CSMD2: variants seen among roughly 807,000 people sequenced by gnomAD.
CSMD2 encodes CUB and sushi domain-containing protein 2.
A neutral mutation model predicts 398.5 loss-of-function variants in CSMD2; 130 were observed. That is an observed-to-expected ratio of 0.33 (90% confidence interval 0.28 to 0.38). CSMD2 has a LOEUF of 0.38. Among genes scored for constraint, CSMD2 ranks in the 10% least tolerant of loss-of-function variants. The pLI is 1.00. For synonymous variants in CSMD2, 1,828 were observed against 1,908.5 expected (o/e 0.96, Z 1.10); for missense variants, 3,829 against 4,764.9 (o/e 0.80, Z 5.78).
chr1:34,112,010 C>CTCTT (rs1014952459), intron 1 of CSMD2, among the ~76,000 whole-genome samples: 7 of 112,734 alleles, frequency 6.2e-5, no homozygotes, highest in African/African-American at 2.4e-4. Flanking sequence ...CTCTCTCTCT[C>CTCTT]TCTCTCTCTT....
chr1:33,898,160 A>T (rs1282136848), intron 5 of CSMD2, among the ~76,000 whole-genome samples: 2 of 152,210 alleles, frequency 1.3e-5, no homozygotes, highest in African/African-American at 2.4e-5. Context: ...TTGCTAAAAA[A>T]TGCTATTACT....
intron 3 of CSMD2, among the ~76,000 whole-genome samples, chr1:33,985,244 C>A (rs1216901267): frequency 6.6e-6 from 1 of 152,216 alleles, no homozygotes; most frequent in Non-Finnish European, 1.5e-5. Context: ...CTTCCCCATC[C>A]ACCCCACCCC....
chr1:34,164,948 C>A lies in CSMD2; in HGVS notation c.150G>T (p.Leu50Phe). ...AGACGCTGAGCAACCCACAGCCCAGCAACAGCAGCAGAGGCGGCGGCGTTG... is the reference window on the plus strand; with the variant it reads ...AGACGCTGAGCAACCCACAGCCCAGAAACAGCAGCAGAGGCGGCGGCGTTG... ...PPPTPPPLLL[L>F]LGCGLLSVSA... is the part of the protein sequence containing the mutation. Residue 50 changes from leucine to phenylalanine, a missense_variant, in exon 1 of 71, where the codon TTG (leucine) becomes TTT (phenylalanine). Around this residue, in one of 5 missense-constraint regions of CSMD2, gnomAD observed 184 missense variants for 217.7 expected, o/e 0.85. Transcript: ENST00000373381. The surrounding 1 kb of genome is among the most constrained non-coding windows in gnomAD (Gnocchi z 6.2). 1 of 1,220,714 alleles carries A rather than the reference C, an allele frequency of 8.2e-7. No homozygotes were observed. Among genetic ancestry groups the A allele is most frequent in the South Asian group, 4.1e-5 (1 of 24,524 alleles). 75.6% of individuals were successfully genotyped at this position (1,220,714 alleles called of 1,614,324 possible). A position where few individuals can be genotyped will look rare whatever the true frequency, so the allele number is the denominator to read the frequency against.
rs117212660 is a variant in CSMD2 at position 33,847,159 on chromosome 1, C to A, written c.921-163G>T. On this transcript the variant is annotated intron_variant, in intron 5 of 70. Coordinates refer to ENST00000373381, the MANE Select transcript of CSMD2 (RefSeq NM_001281956.2). ...CCCCAGGCCCCTCCAGTACCCTAGG[C>A]CTGAGCAGCTTGAGATGGCTCCTCC... Among the ~76,000 whole-genome samples, 49 of 152,220 alleles carry A rather than the reference C, an allele frequency of 3.2e-4. 1 individual carries two copies. The East Asian group carries it at 9.4e-3, about 29-fold the overall frequency.
intron 13 of CSMD2, among the ~76,000 whole-genome samples, chr1:33,755,837 T>C (rs907546417): frequency 4.0e-5 from 6 of 148,242 alleles, no homozygotes; most frequent in African/African-American, 1.5e-4. Flanking sequence ...TTTTAAGAGA[T>C]GTGTGTGTGC....
chr1:34,003,651 T>C (rs540342782), intron 3 of CSMD2, among the ~76,000 whole-genome samples: 1 of 152,322 alleles, frequency 6.6e-6, no homozygotes, highest in East Asian at 1.9e-4. Flanking sequence ...CTCTGGCTGT[T>C]TTGCTTCTTC....
chr1:33,577,575 C>G (rs1461060324), intron 48 of CSMD2, 91 bp from the exon 49 acceptor site: 7 of 1,178,754 alleles, frequency 5.9e-6, no homozygotes, highest in African/African-American at 3.1e-5. Flanking sequence ...CGTCTCCCCC[C>G]CATCCCCTTG....
In CSMD2 at chr1:33,572,720, A is replaced by G. The variant is rs748147228; in HGVS notation, c.7577-29T>C. The G allele has an allele frequency of 2.0e-5, 31 of 1,557,936 alleles. No individual in the cohort carries two copies. In the Admixed American group the frequency reaches 2.1e-4, roughly 11 times the overall value. ...GCAAAAGGAAAACAATGTCATGAGC[A>G]TTTGTTTTAAGATGGTATTCTGAGA... On this transcript the variant is annotated intron_variant, in intron 49 of 70. Coordinates refer to ENST00000373381, the MANE Select transcript of CSMD2 (RefSeq NM_001281956.2).
At chr1:34,069,311 A>G (rs1326469845) in intron 2 of CSMD2, among the ~76,000 whole-genome samples, 2 of 152,210 alleles carry the variant, frequency 1.3e-5, no homozygotes, top group Admixed American at 1.3e-4. Context: ...GGTGAACAAG[A>G]CAGCTCTGGT....
Position 33,899,433 on chromosome 1 carries a change from C to T in CSMD2, c.920+18661G>A, listed in dbSNP as rs187296265. ...GGAGGCAAAGGGCCCTGGCTTCAGG[C>T]TGCAACTTCCTAGCTCTGTGACCTT... On this transcript the variant is annotated intron_variant, in intron 5 of 70. Transcript: ENST00000373381. 5.9e-5 allele frequency among the ~76,000 whole-genome samples: 9 copies of T among 152,330 alleles called. No homozygotes were observed. In the East Asian group the frequency reaches 1.5e-3, roughly 26 times the overall value.
intron 2 of CSMD2, among the ~76,000 whole-genome samples, chr1:34,035,918 T>A (rs564071696): frequency 2.2e-4 from 33 of 152,134 alleles, no homozygotes; most frequent in Admixed American, 2.0e-3. Flanking sequence ...AAAAGATGTT[T>A]AACATCACTA....
At chr1:33,614,406 T>C (rs1227192857) in intron 40 of CSMD2, 98 bp downstream of exon 40, 1 of 733,624 alleles carries the variant, frequency 1.4e-6, no homozygotes, top group African/African-American at 1.7e-5. Context: ...TAAACAGACT[T>C]GGCCCAAGTT....
At position 33,636,240 on chromosome 1, in the gene CSMD2, C is replaced by T. The variant is rs1179614883; in HGVS notation, c.4969+120G>A. The T allele has an allele frequency of 6.2e-6, 6 of 973,124 alleles. No individual in the cohort carries two copies. Among genetic ancestry groups the T allele is most frequent in the East Asian group, 2.6e-5 (1 of 37,948 alleles). 60.3% of individuals were successfully genotyped at this position (973,124 alleles called of 1,614,324 possible). ...ACATCCACGGCAAACCCAGGTTTGC[C>T]AGGCTTGGAGGAGCCGGGCTTGAGG... On this transcript the variant is annotated intron_variant, in intron 30 of 70. Transcript: ENST00000373381. The surrounding 1 kb of genome is among the most constrained non-coding windows in gnomAD (Gnocchi z 4.8).
intron 29 of CSMD2, among the ~76,000 whole-genome samples, chr1:33,640,433 C>T (rs1643039852): frequency 6.6e-6 from 1 of 152,192 alleles, no homozygotes; most frequent in Admixed American, 6.5e-5. Context: ...CAGCAAACTA[C>T]AGCCCACAGG....
At position 33,518,520 on chromosome 1, in the gene CSMD2, G is replaced by C. The variant is rs1653967890; in HGVS notation, c.*53+945C>G. ...TTGTAAGTAAACCTGCCTAGGCTAT[G>C]GTGCTCAGTTGATGGGTCAAACACC... On this transcript the variant is annotated intron_variant, in intron 70 of 70. Coordinates refer to ENST00000373381, the MANE Select transcript of CSMD2 (RefSeq NM_001281956.2). This position sits in a 1 kb window ranked among gnomAD's most constrained non-coding sequence, Gnocchi z 4.3. Among the ~76,000 whole-genome samples, 1 of 152,160 alleles carries C rather than the reference G, an allele frequency of 6.6e-6. No homozygotes were observed. Among genetic ancestry groups the C allele is most frequent in the Non-Finnish European group, 1.5e-5 (1 of 68,040 alleles).
chr1:34,159,773 TG>T (rs1304132236), intron 1 of CSMD2, among the ~76,000 whole-genome samples: 1 of 152,196 alleles, frequency 6.6e-6, no homozygotes, highest in Non-Finnish European at 1.5e-5. Context: ...ATAACTCCCC[TG>T]GGTGTCCAGA....
At chr1:34,111,214 T>C (rs1411208404) in intron 1 of CSMD2, among the ~76,000 whole-genome samples, 1 of 152,180 alleles carries the variant, frequency 6.6e-6, no homozygotes, top group Non-Finnish European at 1.5e-5. Context: ...AATCCAGTGC[T>C]TTTACAAAAG....
intron 3 of CSMD2, among the ~76,000 whole-genome samples, chr1:33,972,920 G>A (rs1334553079): frequency 2.8e-5 from 3 of 107,816 alleles, no homozygotes; most frequent in African/African-American, 1.3e-4. Flanking sequence ...GCAGCAGGAT[G>A]AGCCTTCACA....
chr1:34,023,910 C>T (rs975619646), intron 3 of CSMD2, among the ~76,000 whole-genome samples: 7 of 152,194 alleles, frequency 4.6e-5, no homozygotes, highest in East Asian at 1.9e-4. Flanking sequence ...ACGTGGTAGA[C>T]GAATTGGTTG....
Sources: gnomAD v4.1 joint callset for allele counts (sites outside exome capture counted in the v4.1 genomes callset) on GRCh38, gnomAD v4.1.1 for gene constraint, gnomAD v4.1.1 regional missense constraint, Gnocchi (gnomAD v3.1) non-coding constraint, MANE v1.5 for transcripts, NCBI Gene and HGNC (gene_info 2026-07-23, HGNC 2026-07-21) for gene names.